The following TNC variants were observed in gnomAD, a reference collection of about 807,000 sequenced individuals.
The protein encoded by TNC is tenascin.
A neutral mutation model predicts 202.4 loss-of-function variants in TNC; 109 were observed. The observed-to-expected ratio is 0.54, with a 90% CI of 0.46 to 0.63. The LOEUF (loss-of-function observed/expected upper bound fraction) is 0.63. Among genes scored for constraint, TNC ranks in the 30% least tolerant of loss-of-function variants. The probability of loss-of-function intolerance (pLI) is 0.00; values close to 1 mark genes in which losing one functional copy is unlikely to be tolerated. For missense variants in TNC, 2,756 were observed against 2,833.3 expected, an observed-to-expected ratio of 0.97 and a Z score of 0.62; for synonymous variants, 1,007 against 1,089.7, an observed-to-expected ratio of 0.92 and a Z score of 1.50.
At chr9:115,025,980 TGGAAGAGATTCAA>T (rs1431971766) in intron 26 of TNC, among the ~76,000 whole-genome samples, 1 of 152,134 alleles carries the variant, frequency 6.6e-6, no homozygotes, top group African/African-American at 2.4e-5. Context: ...AGGGATGTCT[TGGAAGAGATTCAA>T]GCAGCTAGGT....
chr9:115,040,220 G>A (rs1323469733), intron 19 of TNC, among the ~76,000 whole-genome samples: 1 of 152,182 alleles, frequency 6.6e-6, no homozygotes, highest in Non-Finnish European at 1.5e-5. Flanking sequence ...GTTCAAATTT[G>A]GTTCCAGCAT....
chr9:115,083,462 TAA>T (rs774018491), intron 4 of TNC, among the ~76,000 whole-genome samples: 1 of 152,316 alleles, frequency 6.6e-6, no homozygotes, highest in East Asian at 1.9e-4. Context: ...CTGCCAGGGT[TAA>T]AGTTTTGCCT....
rs572114602 is a variant in TNC, at chr9:115,106,172, G to A, written c.-137+11810C>T. ...AAGTAGGTCAATATTTATACTGTGC[G>A]TGGCACTTTACAAATGCTGTTTAAT... On this transcript the variant is annotated intron_variant, in intron 1 of 27. Transcript: ENST00000350763. 1.6e-4 allele frequency among the ~76,000 whole-genome samples: 24 copies of A among 152,272 alleles called. 1 individual carries two copies. Among genetic ancestry groups the A allele is most frequent in the South Asian group, 1.2e-3 (6 of 4,820 alleles).
At chr9:115,053,282 A>G (rs1831848912) in intron 15 of TNC, among the ~76,000 whole-genome samples, 2 of 152,218 alleles carry the variant, frequency 1.3e-5, no homozygotes, top group Non-Finnish European at 2.9e-5. Flanking sequence ...ACCATTTGCT[A>G]GTCATGTATG....
intron 13 of TNC, 54 bp downstream of exon 13, chr9:115,062,863 T>C (rs1832652766): frequency 6.4e-7 from 1 of 1,570,128 alleles, no homozygotes. Flanking sequence ...TTTCTCTATT[T>C]CAATGACATG....
In TNC at chr9:115,081,896, G is replaced by A. The variant is rs1834333500; in HGVS notation, c.2280C>T (p.Ser760=). The change falls in exon 6 of 28, where the codon AGC becomes AGT. Residue 760 remains serine, a synonymous_variant. Transcript: ENST00000350763. ...NKEDEGEITK[S]LRRPETSYRQ... is the part of the protein sequence containing the mutation. ...GGTAAGAGGTCTCTGGCCTCCTCAG[G>A]CTTTTGGTGATCTCTCCCTCATCTT... 2 of 1,594,492 alleles carry A rather than the reference G, an allele frequency of 1.3e-6. No individual in the cohort carries two copies. The highest frequency in any genetic ancestry group is 1.7e-6 in the Non-Finnish European group (2 of 1,175,092).
In TNC at chr9:115,085,893, T is replaced by A; in HGVS notation, c.1838A>T (p.Glu613Val). 6.2e-7 allele frequency: 1 copy of A among 1,612,390 alleles called. No homozygotes were observed. Among genetic ancestry groups the A allele is most frequent in the South Asian group, 1.1e-5 (1 of 90,948 alleles). ...TGAGCAGTCTTCTCCGCTGTAGCCCTCGTTGCAGATGCAGCGGCCCGAGAC... is the reference window on the plus strand; with the variant it reads ...TGAGCAGTCTTCTCCGCTGTAGCCCACGTTGCAGATGCAGCGGCCCGAGAC... ...QCVSGRCICN[E>V]GYSGEDCSEV... Residue 613 changes from glutamate (E) to valine (V), a missense_variant, in exon 3 of 28, where the codon GAG (glutamate) becomes GTG (valine). By Grantham distance (121) the Glu-to-Val change is moderately radical. Coordinates refer to ENST00000350763, the MANE Select transcript of TNC (RefSeq NM_002160.4).
intron 22 of TNC, 56 bp downstream of exon 22, chr9:115,035,148 G>A: frequency 6.6e-7 from 1 of 1,520,044 alleles, no homozygotes; most frequent in Non-Finnish European, 8.8e-7. Context: ...TCCATACTTT[G>A]AAGATCATGC....
rs749785460 is a variant in TNC, at chr9:115,048,498, G to A, written c.4614C>T (p.Ser1538=). ...ALPLLENLTI[S]DINPYGFTVS... Reference sequence around the variant, plus strand: ...CTGTGAACCCGTAGGGATTAATGTCGGAAATGGTTAGGTTTTCCAGAAGGG... The same window carrying A: ...CTGTGAACCCGTAGGGATTAATGTCAGAAATGGTTAGGTTTTCCAGAAGGG... The change falls in exon 16 of 28, where the codon TCC becomes TCT. Residue 1538 remains serine, a synonymous_variant. Transcript: ENST00000350763. 63 of 1,613,606 alleles carry A rather than the reference G, an allele frequency of 3.9e-5. No homozygotes were observed. The highest frequency in any genetic ancestry group is 1.0e-4 in the Admixed American group (6 of 59,952).
Position 115,086,273 on chromosome 9 carries a change from AAC to A in TNC, c.1456_1457del (p.Val486LeufsTer2). 6.2e-7 allele frequency: 1 copy of A among 1,614,100 alleles called. No individual in the cohort carries two copies. Among genetic ancestry groups the A allele is most frequent in the Non-Finnish European group, 8.5e-7 (1 of 1,180,008 alleles). On this transcript the variant is annotated frameshift_variant, in exon 3 of 28. Transcript: ENST00000350763. LOFTEE classifies it high-confidence loss of function. ...CTTCCCCTGTGTAGCCGTCATCACA[AAC>A]ACACATGCCATTCACACAGCGGCCG... ...QHGRCVNGMC[V>X]CDDGYTGEDC...
chr9:115,053,710 T>TA (rs1588073614), intron 15 of TNC, among the ~76,000 whole-genome samples: 1 of 152,220 alleles, frequency 6.6e-6, no homozygotes, highest in East Asian at 1.9e-4. Context: ...TAAAGGCTAA[T>TA]ACCCATACAA....
At chr9:115,051,447 A>G (rs941864824) in intron 15 of TNC, among the ~76,000 whole-genome samples, 3 of 151,948 alleles carry the variant, frequency 2.0e-5, no homozygotes, top group African/African-American at 7.2e-5. Context: ...GCCAACCCCA[A>G]TCAGTGATGG....
chr9:115,079,208 T>C (rs974979976), intron 6 of TNC, among the ~76,000 whole-genome samples: 1 of 152,110 alleles, frequency 6.6e-6, no homozygotes, highest in Admixed American at 6.5e-5. Flanking sequence ...TCTTTGAATC[T>C]TTCTTTCTTC....
At chr9:115,089,821 T>C (rs1389093730) in intron 2 of TNC, among the ~76,000 whole-genome samples, 3 of 152,176 alleles carry the variant, frequency 2.0e-5, no homozygotes, top group Non-Finnish European at 2.9e-5. Flanking sequence ...CTCTTATTGC[T>C]CTTTGTGCCA....
intron 9 of TNC, 133 bp from the exon 10 acceptor site, chr9:115,073,999 C>T (rs1254059486): frequency 6.0e-6 from 5 of 838,044 alleles, no homozygotes; most frequent in Non-Finnish European, 9.1e-6. Flanking sequence ...AGGAGAGTCA[C>T]ATCTCTGGGT....
At chr9:115,042,175 AC>A (rs763329491) in intron 18 of TNC, 43 bp downstream of exon 18, 2 of 1,593,270 alleles carry the variant, frequency 1.3e-6, no homozygotes, top group Admixed American at 3.6e-5. Context: ...ATCCATCCAA[AC>A]CCACAACACT....
Position 115,090,676 on chromosome 9 carries a change from C to T in TNC, c.343G>A (p.Ala115Thr), listed in dbSNP as rs200958869. The T allele has an allele frequency of 5.5e-5, 89 of 1,614,080 alleles. No homozygotes were observed. The African/African-American group carries it at 6.0e-4, about 11-fold the overall frequency. ...NIPRRACGCA[A>T]APDVKELLSR... ...AGCAGCTCCTTAACATCAGGGGCTG[C>T]GGCACAGCCACAGGCCCGGCGGGGG... The change falls in exon 2 of 28, where the codon GCA becomes ACA. Residue 115 changes from alanine to threonine, a missense_variant. By Grantham distance (58) the Ala-to-Thr change is moderately conservative. Coordinates refer to ENST00000350763, the MANE Select transcript of TNC (RefSeq NM_002160.4).
rs781540895 is a variant in TNC, at chr9:115,036,248, A to G, written c.5513-7T>C. ...GTGCGTGTAATTTCTGGCACTAAAC[A>G]TGAAATACACATACCAAGGCAGTCA... is the stretch of plus-strand genomic sequence containing the variant. On this transcript the variant is annotated splice_region_variant and splice_polypyrimidine_tract_variant and intron_variant, in intron 20 of 27. Transcript: ENST00000350763. The G allele has an allele frequency of 7.4e-6, 12 of 1,613,940 alleles. No homozygotes were observed. Among genetic ancestry groups the G allele is most frequent in the Admixed American group, 3.3e-5 (2 of 60,002 alleles).
chr9:115,054,166 C>T (rs1459019793), intron 15 of TNC, among the ~76,000 whole-genome samples: 8 of 152,130 alleles, frequency 5.3e-5, no homozygotes, highest in African/African-American at 1.9e-4. Flanking sequence ...CTTCCAAGGA[C>T]TTGGGAGTTA....
Sources: allele counts gnomAD v4.1 joint callset (sites outside exome capture counted in the v4.1 genomes callset), GRCh38; gene constraint gnomAD v4.1.1; transcripts MANE v1.5; gene names NCBI Gene and HGNC (gene_info 2026-07-23, HGNC 2026-07-21).